MDGA2: variants seen among roughly 807,000 people sequenced by gnomAD.
The protein encoded by MDGA2 is MAM domain containing glycosylphosphatidylinositol anchor 2.
A neutral mutation model predicts 117.8 loss-of-function variants in MDGA2; 40 were observed. The observed-to-expected ratio is 0.34, with a 90% CI of 0.26 to 0.44. MDGA2 has a LOEUF of 0.44. Among genes scored for constraint, MDGA2 ranks in the 20% least tolerant of loss-of-function variants. MDGA2 has a pLI of 1.00. For synonymous variants in MDGA2, 452 were observed against 439.0 expected (o/e 1.03, Z -0.37); for missense variants, 1,123 against 1,250.6 (o/e 0.90, Z 1.54).
At chr14:47,473,610 GA>G (rs1893774890) in intron 1 of MDGA2, among the ~76,000 whole-genome samples, 1 of 151,774 alleles carries the variant, frequency 6.6e-6, no homozygotes, top group South Asian at 2.1e-4. Flanking sequence ...AATAAAGAGT[GA>G]AAAGATTAAT....
At chr14:47,535,663 T>C (rs1895195752) in intron 1 of MDGA2, among the ~76,000 whole-genome samples, 1 of 152,158 alleles carries the variant, frequency 6.6e-6, no homozygotes, top group Non-Finnish European at 1.5e-5. Flanking sequence ...ATGTTTGATA[T>C]AAGTAAATTC....
chr14:47,082,458 C>T (rs1352438262), intron 6 of MDGA2, among the ~76,000 whole-genome samples: 2 of 151,814 alleles, frequency 1.3e-5, no homozygotes, highest in East Asian at 3.9e-4. Flanking sequence ...CCAGAGTACT[C>T]GACTGGAAAC....
At chr14:47,159,869 A>G (rs1192051710) in intron 3 of MDGA2, among the ~76,000 whole-genome samples, 2 of 152,150 alleles carry the variant, frequency 1.3e-5, no homozygotes, top group African/African-American at 2.4e-5. Flanking sequence ...TTATTTTTCT[A>G]TTAATTTTGT....
chr14:46,983,988 G>A (rs2138397447), intron 8 of MDGA2, among the ~76,000 whole-genome samples: 1 of 151,990 alleles, frequency 6.6e-6, no homozygotes, highest in East Asian at 1.9e-4. Context: ...GATGTTACAA[G>A]TGCAAATATA....
intron 1 of MDGA2, among the ~76,000 whole-genome samples, chr14:47,455,690 G>A (rs768607136): frequency 6.6e-6 from 1 of 152,018 alleles, no homozygotes; most frequent in Non-Finnish European, 1.5e-5. Flanking sequence ...TAAATTGAAG[G>A]TTAAATATTA....
At chr14:47,582,064 A>G (rs949301158) in intron 1 of MDGA2, among the ~76,000 whole-genome samples, 1 of 151,946 alleles carries the variant, frequency 6.6e-6, no homozygotes, top group Non-Finnish European at 1.5e-5. Context: ...AGTGCCAAGT[A>G]AGATAACAGA....
chr14:47,177,105 C>T (rs1387890046), intron 3 of MDGA2, among the ~76,000 whole-genome samples: 2 of 152,130 alleles, frequency 1.3e-5, no homozygotes, highest in Non-Finnish European at 2.9e-5. Context: ...CAATGAGATA[C>T]CATCTCACAC....
At chr14:46,865,613 A>G (rs1043369967) in intron 14 of MDGA2, among the ~76,000 whole-genome samples, 3 of 152,084 alleles carry the variant, frequency 2.0e-5, no homozygotes, top group Non-Finnish European at 4.4e-5. Context: ...CCCTGTTTGC[A>G]GACGACATGA....
intron 1 of MDGA2, among the ~76,000 whole-genome samples, 194 bp downstream of exon 1, chr14:47,674,323 G>C (rs78665921): frequency 0.17 from 25,371 of 152,222 alleles, 2,179 homozygotes; most frequent in East Asian, 0.25. Flanking sequence ...CAGAGCCCAG[G>C]CGCCGGGGAA....
At chr14:47,507,822 G>C (rs1015728177) in intron 1 of MDGA2, among the ~76,000 whole-genome samples, 2 of 152,056 alleles carry the variant, frequency 1.3e-5, no homozygotes, top group Non-Finnish European at 2.9e-5. Context: ...ATTAAATTTG[G>C]GCTTAAGATC....
intron 9 of MDGA2, among the ~76,000 whole-genome samples, chr14:46,954,092 C>G (rs1885469298): frequency 6.6e-6 from 1 of 151,938 alleles, no homozygotes; most frequent in Admixed American, 6.6e-5. Context: ...TAAACCTACA[C>G]AGTCTACTGA....
intron 8 of MDGA2, among the ~76,000 whole-genome samples, chr14:47,012,753 G>C (rs1383728931): frequency 6.6e-6 from 1 of 152,070 alleles, no homozygotes; most frequent in Non-Finnish European, 1.5e-5. Context: ...GAGTTGGCAT[G>C]TACAAGCATA....
chr14:47,393,047 T>C (rs910124236), intron 1 of MDGA2, among the ~76,000 whole-genome samples: 3 of 151,400 alleles, frequency 2.0e-5, no homozygotes, highest in Admixed American at 2.0e-4. Context: ...AAAGTGTTTG[T>C]TAGATGAACC....
chr14:47,426,116 G>A (rs1456717124), intron 1 of MDGA2, among the ~76,000 whole-genome samples: 1 of 151,864 alleles, frequency 6.6e-6, no homozygotes, highest in Admixed American at 6.6e-5. Context: ...ATAGAGTTTT[G>A]GCAGATGAGA....
At chr14:46,938,966 A>G (rs1034241073) in intron 9 of MDGA2, among the ~76,000 whole-genome samples, 19 of 152,338 alleles carry the variant, frequency 1.2e-4, no homozygotes, top group Admixed American at 1.2e-3. Context: ...TTGCAACAAC[A>G]TGGATAAGCC....
At chr14:47,292,552 A>G (rs1566723791) in intron 2 of MDGA2, among the ~76,000 whole-genome samples, 1 of 152,146 alleles carries the variant, frequency 6.6e-6, no homozygotes, top group African/African-American at 2.4e-5. Context: ...AGCCCTCAAA[A>G]GGCTTTGCTA....
chr14:47,636,134 T>C (rs1897317837), intron 1 of MDGA2, among the ~76,000 whole-genome samples: 1 of 152,186 alleles, frequency 6.6e-6, no homozygotes, highest in Non-Finnish European at 1.5e-5. Flanking sequence ...GGATATCATA[T>C]CACTACATCT....
rs373556248 is a variant in MDGA2, at chr14:46,920,534, A to T, written c.2090-374T>A. 4.7e-4 allele frequency among the ~76,000 whole-genome samples: 72 copies of T among 152,344 alleles called. 2 individuals are homozygous for T. In the South Asian group the frequency reaches 8.7e-3, roughly 18 times the overall value. ...GGATATAACTAGTCTGGAATACAAG[A>T]GAGATCAAGACTGGAGATATAATCT... On this transcript the variant is annotated intron_variant, in intron 9 of 16. Transcript: ENST00000399232.
intron 2 of MDGA2, among the ~76,000 whole-genome samples, chr14:47,271,980 A>G (rs1888159426): frequency 6.6e-6 from 1 of 151,556 alleles, no homozygotes; most frequent in Non-Finnish European, 1.5e-5. Context: ...ATATTCATAA[A>G]CAACGTTTTG....
Sources: gnomAD v4.1 joint callset for allele counts (sites outside exome capture counted in the v4.1 genomes callset) on GRCh38, gnomAD v4.1.1 for gene constraint, MANE v1.5 for transcripts, NCBI Gene and HGNC (gene_info 2026-07-23, HGNC 2026-07-21) for gene names.